Variants in SPECC1L observed in about 807,000 individuals in gnomAD.
The protein encoded by SPECC1L is sperm antigen with calponin homology and coiled-coil domains 1 like.
In SPECC1L, 40 loss-of-function variants were observed where a neutral mutation model predicts 116.8. That is an observed-to-expected ratio of 0.34 (90% CI 0.27 to 0.45). The LOEUF is 0.45. SPECC1L is among the 20% of genes least tolerant of loss of function. The probability of loss-of-function intolerance (pLI) is 1.00; values close to 1 mark genes in which losing one functional copy is unlikely to be tolerated. For synonymous variants in SPECC1L, 504 were observed against 500.6 expected (o/e 1.01, Z -0.09); for missense variants, 1,110 against 1,373.6 (o/e 0.81, Z 3.03).
chr22:24,391,164 TGCGCCCGGCC>T (rs1403450848), intron 14 of SPECC1L, among the ~76,000 whole-genome samples: 3 of 152,006 alleles, frequency 2.0e-5, no homozygotes, highest in Non-Finnish European at 4.4e-5. Context: ...TGTGAGCCAC[TGCGCCCGGCC>T]GGGCCTGTGT....
intron 6 of SPECC1L, among the ~76,000 whole-genome samples, chr22:24,324,980 TAATC>T (rs1313188372): frequency 6.6e-6 from 1 of 152,198 alleles, no homozygotes; most frequent in Non-Finnish European, 1.5e-5. Context: ...ATGGGGTTCA[TAATC>T]AATAATGGGA....
chr22:24,365,356 A>G, intron 12 of SPECC1L, 120 bp from the exon 13 acceptor site: 1 of 873,916 alleles, frequency 1.1e-6, no homozygotes, highest in Non-Finnish European at 1.8e-6. Flanking sequence ...AGTTATCAAT[A>G]TTAGTTTTTC....
At chr22:24,313,546 A>G in intron 4 of SPECC1L, 80 bp downstream of exon 4, 3 of 1,524,156 alleles carry the variant, frequency 2.0e-6, no homozygotes, top group Non-Finnish European at 2.7e-6. Flanking sequence ...ACAGTGTTCC[A>G]TCTAATTATA....
intron 11 of SPECC1L, among the ~76,000 whole-genome samples, chr22:24,352,949 A>G (rs1195408942): frequency 6.6e-6 from 1 of 152,134 alleles, no homozygotes; most frequent in Non-Finnish European, 1.5e-5. Flanking sequence ...ATTCTTTTAT[A>G]TTTGCTTTAT....
chr22:24,413,842 C>T (rs2042749712), intron 16 of SPECC1L, among the ~76,000 whole-genome samples: 1 of 152,170 alleles, frequency 6.6e-6, no homozygotes, highest in South Asian at 2.1e-4. Flanking sequence ...GCCACACGTC[C>T]TGTGCTCGTC....
At chr22:24,307,303 G>T (rs1360140951) in intron 3 of SPECC1L, among the ~76,000 whole-genome samples, 2 of 152,220 alleles carry the variant, frequency 1.3e-5, no homozygotes, top group Non-Finnish European at 2.9e-5. Flanking sequence ...CTCTGCAATA[G>T]TTGTTATTTT....
chr22:24,361,965 A>G (rs2041654229), intron 11 of SPECC1L, among the ~76,000 whole-genome samples: 1 of 152,224 alleles, frequency 6.6e-6, no homozygotes. Context: ...ATGATATGCC[A>G]TTACTTTTGA....
At chr22:24,317,252 G>A (rs1283311392) in intron 4 of SPECC1L, among the ~76,000 whole-genome samples, 9 of 106,500 alleles carry the variant, frequency 8.5e-5, no homozygotes, top group East Asian at 3.5e-4. Context: ...GCGGCTGGCC[G>A]GGCGGGGGGC....
chr22:24,287,085 A>T lies in SPECC1L; in HGVS notation c.-38+10282A>T, dbSNP rs144019851. Among the ~76,000 whole-genome samples the T allele has an allele frequency of 5.0e-3, 759 of 152,322 alleles. 4 individuals are homozygous for T. Among genetic ancestry groups the T allele is most frequent in the African/African-American group, 0.017 (716 of 41,582 alleles). The stretch of plus-strand genomic sequence containing the variant: ...CTAGAGACAAGGGAAGGTATCACTA[A>T]GGACACGGCAGTGGAGCTGAGTCCT... On this transcript the variant is annotated intron_variant, in intron 2 of 16. Transcript: ENST00000314328.
At chr22:24,375,126 CAA>C (rs950849417) in intron 14 of SPECC1L, among the ~76,000 whole-genome samples, 3 of 152,060 alleles carry the variant, frequency 2.0e-5, no homozygotes, top group African/African-American at 7.2e-5. Flanking sequence ...AAAATGGACT[CAA>C]GAAGCAAGAA....
chr22:24,391,166 C>T (rs772722755), intron 14 of SPECC1L, among the ~76,000 whole-genome samples: 15 of 151,852 alleles, frequency 9.9e-5, no homozygotes, highest in Non-Finnish European at 1.9e-4. Context: ...TGAGCCACTG[C>T]GCCCGGCCGG....
intron 11 of SPECC1L, among the ~76,000 whole-genome samples, chr22:24,351,313 T>C (rs538318599): frequency 1.3e-5 from 2 of 152,356 alleles, no homozygotes; most frequent in South Asian, 2.1e-4. Flanking sequence ...TGGAATATTA[T>C]TGGGCAAAGA....
At chr22:24,313,880 A>G (rs569557405) in intron 4 of SPECC1L, among the ~76,000 whole-genome samples, 20 of 151,898 alleles carry the variant, frequency 1.3e-4, no homozygotes, top group Admixed American at 6.6e-5. Flanking sequence ...CTGGGATTAC[A>G]GGCATGCGCC....
chr22:24,417,589 C>T lies in SPECC1L; in HGVS notation c.*2966C>T, dbSNP rs1050902004. On this transcript the variant is annotated 3_prime_UTR_variant, in exon 17 of 17. Transcript: ENST00000314328. ...GCCCCTACACAGCCCAGACACATGC[C>T]TTCCCTGGGGGCTGGGGAGTGTGTC... 6.6e-6 allele frequency: 1 copy of T among 152,260 alleles called. No individual in the cohort carries two copies. The highest frequency in any genetic ancestry group is 2.4e-5 in the African/African-American group (1 of 41,456). 9.4% of individuals were successfully genotyped at this position (152,260 alleles called of 1,614,324 possible).
In SPECC1L at chr22:24,289,929, A is replaced by G. The variant is rs34609763; in HGVS notation, c.-37-12266A>G. Reference sequence around the variant, plus strand: ...TAAACGACAATGGCAACATCAACAAAGTGTCTCTGCCTCCTCATTACCCCC... The same window carrying G: ...TAAACGACAATGGCAACATCAACAAGGTGTCTCTGCCTCCTCATTACCCCC... On this transcript the variant is annotated intron_variant, in intron 2 of 16. Transcript: ENST00000314328. 9.9e-3 allele frequency among the ~76,000 whole-genome samples: 1,502 copies of G among 152,314 alleles called. 15 individuals are homozygous for G. Among genetic ancestry groups the G allele is most frequent in the Non-Finnish European group, 0.013 (889 of 68,024 alleles).
intron 8 of SPECC1L, among the ~76,000 whole-genome samples, chr22:24,333,088 G>T (rs2040970990): frequency 6.6e-6 from 1 of 152,050 alleles, no homozygotes; most frequent in African/African-American, 2.4e-5. Context: ...ATTAGCCGGG[G>T]GTGGTGGCAC....
At chr22:24,381,698 T>C (rs1569442816) in intron 14 of SPECC1L, among the ~76,000 whole-genome samples, 1 of 151,536 alleles carries the variant, frequency 6.6e-6, no homozygotes, top group Non-Finnish European at 1.5e-5. Flanking sequence ...TCCTGGCTAA[T>C]ATGGTGAAAC....
intron 14 of SPECC1L, among the ~76,000 whole-genome samples, chr22:24,379,603 T>TA (rs1273159513): frequency 4.6e-5 from 7 of 152,162 alleles, no homozygotes; most frequent in Non-Finnish European, 2.9e-5. Flanking sequence ...CAGGGGGAAA[T>TA]ATGATATAGG....
At chr22:24,379,310 G>A (rs1489975087) in intron 14 of SPECC1L, among the ~76,000 whole-genome samples, 1 of 151,686 alleles carries the variant, frequency 6.6e-6, no homozygotes, top group Non-Finnish European at 1.5e-5. Context: ...GAGCCGGGAA[G>A]TTGAGGCTGC....
Sources: allele counts gnomAD v4.1 joint callset (sites outside exome capture counted in the v4.1 genomes callset), GRCh38; gene constraint gnomAD v4.1.1; transcripts MANE v1.5; gene names NCBI Gene and HGNC (gene_info 2026-07-23, HGNC 2026-07-21).